The following COL25A1 variants were observed in gnomAD, a reference collection of about 807,000 sequenced individuals.
COL25A1 encodes collagen alpha-1(XXV) chain.
A neutral mutation model predicts 128.4 loss-of-function variants in COL25A1; 103 were observed. That is an observed-to-expected ratio of 0.80 (90% CI 0.68 to 0.94). The LOEUF (loss-of-function observed/expected upper bound fraction) is 0.94. Ranked by LOEUF, COL25A1 falls within the 40% of genes least tolerant of loss-of-function variation. The pLI, the probability that COL25A1 is intolerant of heterozygous loss-of-function variation, is 0.00. For synonymous variants in COL25A1, 279 were observed against 277.2 expected (o/e 1.01, Z -0.06); for missense variants, 745 against 840.0 (o/e 0.89, Z 1.40).
At chr4:109,005,957 C>G (rs866283728) in intron 6 of COL25A1, among the ~76,000 whole-genome samples, 4 of 151,392 alleles carry the variant, frequency 2.6e-5, no homozygotes, top group Admixed American at 2.0e-4. Flanking sequence ...CATTTTAGGT[C>G]AAAATCTTAT....
chr4:109,034,784 T>A (rs951681604), intron 5 of COL25A1, among the ~76,000 whole-genome samples: 2 of 152,230 alleles, frequency 1.3e-5, no homozygotes, highest in African/African-American at 4.8e-5. Context: ...GGTCAATTTC[T>A]ATATATGCAT....
intron 24 of COL25A1, among the ~76,000 whole-genome samples, chr4:108,853,841 T>G (rs906109475): frequency 2.0e-5 from 3 of 152,186 alleles, no homozygotes; most frequent in East Asian, 3.8e-4. Flanking sequence ...ACAAATGACA[T>G]GAACTCATTC....
Position 109,191,576 on chromosome 4 carries a change from G to A in COL25A1, c.367+109007C>T, listed in dbSNP as rs529294595. On this transcript the variant is annotated intron_variant, in intron 3 of 37. Coordinates refer to ENST00000399132, the MANE Select transcript of COL25A1 (RefSeq NM_198721.4). ...CCTGTTTTCCATAAGGAGTGCATCC[G>A]GCCTTAAGAGGAGCTATACATTTTA... is the stretch of plus-strand genomic sequence containing the variant. Among the ~76,000 whole-genome samples the A allele has an allele frequency of 9.2e-5, 14 of 152,238 alleles. No homozygotes were observed. The South Asian group carries it at 2.7e-3, about 29-fold the overall frequency.
intron 29 of COL25A1, 83 bp from the exon 30 acceptor site, chr4:108,844,652 C>G (rs946836911): frequency 3.9e-6 from 6 of 1,538,224 alleles, no homozygotes; most frequent in African/African-American, 2.8e-5. Flanking sequence ...TGGGGTTCTG[C>G]TAAGGCCATT....
At chr4:109,175,663 T>C (rs1774025673) in intron 3 of COL25A1, among the ~76,000 whole-genome samples, 1 of 152,198 alleles carries the variant, frequency 6.6e-6, no homozygotes, top group Non-Finnish European at 1.5e-5. Context: ...TTAGGAATAG[T>C]TTTAATTGTT....
At chr4:109,048,288 T>C in intron 4 of COL25A1, 113 bp from the exon 5 acceptor site, 1 of 1,028,822 alleles carries the variant, frequency 9.7e-7, no homozygotes, top group Non-Finnish European at 1.4e-6. Flanking sequence ...ATAATAGACA[T>C]GGAAGTTTTT....
At chr4:109,105,367 A>G (rs7695884) in intron 3 of COL25A1, among the ~76,000 whole-genome samples, 35,238 of 151,896 alleles carry the variant, frequency 0.23, 5,291 homozygotes, top group African/African-American at 0.41. Flanking sequence ...CCAGCTACTC[A>G]GGAGGCTGAG....
At chr4:108,895,014 C>T (rs1031087375) in intron 16 of COL25A1, among the ~76,000 whole-genome samples, 2 of 152,114 alleles carry the variant, frequency 1.3e-5, no homozygotes, top group African/African-American at 4.8e-5. Context: ...TGATGCTAAA[C>T]ATCTGAGGGC....
intron 8 of COL25A1, among the ~76,000 whole-genome samples, chr4:108,966,721 T>C (rs1204809579): frequency 1.3e-5 from 2 of 151,660 alleles, no homozygotes; most frequent in Non-Finnish European, 2.9e-5. Flanking sequence ...CATGGTAGTG[T>C]GTGCCTGTAG....
At chr4:109,208,489 A>AAAAAC (rs1305925191) in intron 3 of COL25A1, among the ~76,000 whole-genome samples, 1 of 151,880 alleles carries the variant, frequency 6.6e-6, no homozygotes, top group East Asian at 1.9e-4. Context: ...TTAATAAAAA[A>AAAAAC]AAAAAAAACA....
intron 35 of COL25A1, among the ~76,000 whole-genome samples, chr4:108,820,678 T>C (rs565049675): frequency 2.0e-5 from 3 of 150,656 alleles, no homozygotes; most frequent in East Asian, 2.0e-4. Context: ...GTATTTACAA[T>C]GGTAAATGAG....
At chr4:109,068,417 A>AAGGG (rs1345279912) in intron 3 of COL25A1, among the ~76,000 whole-genome samples, 4 of 152,086 alleles carry the variant, frequency 2.6e-5, no homozygotes, top group African/African-American at 9.6e-5. Context: ...AGAGGAAAGG[A>AAGGG]AGGGAGGGAG....
At chr4:109,051,277 T>C (rs1760954832) in intron 3 of COL25A1, among the ~76,000 whole-genome samples, 1 of 152,136 alleles carries the variant, frequency 6.6e-6, no homozygotes, top group Admixed American at 6.6e-5. Flanking sequence ...ATGGAAACAC[T>C]ATCATGAGAA....
Position 108,853,292 on chromosome 4 carries a change from A to G in COL25A1, c.1321-367T>C, listed in dbSNP as rs139152487. Among the ~76,000 whole-genome samples the G allele has an allele frequency of 4.2e-3, 640 of 152,254 alleles. 6 individuals are homozygous for G. Among genetic ancestry groups the G allele is most frequent in the African/African-American group, 0.015 (614 of 41,556 alleles). The stretch of plus-strand genomic sequence containing the variant: ...AAAGCACTATTCTAGAGAGTACTTC[A>G]TTAGAGAAAACTGAAATACCCAATT... On this transcript the variant is annotated intron_variant, in intron 24 of 37. Coordinates refer to ENST00000399132, the MANE Select transcript of COL25A1 (RefSeq NM_198721.4).
intron 18 of COL25A1, 27 bp from the exon 19 acceptor site, chr4:108,884,249 T>C: frequency 2.5e-6 from 4 of 1,598,714 alleles, no homozygotes; most frequent in South Asian, 1.1e-5. Flanking sequence ...TATAGCATTA[T>C]AGAATGATAT....
rs567748328 is a variant in COL25A1, at chr4:108,983,715, T to G, written c.439-9156A>C. Reference sequence around the variant, plus strand: ...TGGCTCAGGAGTGAAGCTGCGGACCTTCGCAGTGAGTGTTACAGCTCTTAA... The same window carrying G: ...TGGCTCAGGAGTGAAGCTGCGGACCGTCGCAGTGAGTGTTACAGCTCTTAA... On this transcript the variant is annotated intron_variant, in intron 6 of 37. Coordinates refer to ENST00000399132, the MANE Select transcript of COL25A1 (RefSeq NM_198721.4). Among the ~76,000 whole-genome samples the G allele has an allele frequency of 1.0e-3, 153 of 152,100 alleles. 1 individual carries two copies. Among genetic ancestry groups the G allele is most frequent in the African/African-American group, 3.6e-3 (149 of 41,482 alleles).
At position 108,846,106 on chromosome 4, in the gene COL25A1, AAAAGTATAAACAAACAG is replaced by A; in HGVS notation, c.1515+16_1515+32del. ...TTTATCTTAATAAGAACATAATATA[AAAAGTATAAACAAACAG>A]AAAGTATAAACATACCGGTAATCCA... On this transcript the variant is annotated intron_variant, in intron 28 of 37. Transcript: ENST00000399132. 1 of 1,369,966 alleles carries A rather than the reference AAAAGTATAAACAAACAG, an allele frequency of 7.3e-7. No individual in the cohort carries two copies. The highest frequency in any genetic ancestry group is 1.0e-6 in the Non-Finnish European group (1 of 960,584). The allele number at this position is 1,369,966 out of a possible 1,614,324, so 84.9% of individuals were successfully genotyped here.
intron 3 of COL25A1, among the ~76,000 whole-genome samples, chr4:109,160,909 C>A (rs532717953): frequency 6.6e-6 from 1 of 152,202 alleles, no homozygotes; most frequent in South Asian, 2.1e-4. Context: ...AACAATACAG[C>A]ATTTTATTTT....
At chr4:109,049,661 A>G (rs930554794) in intron 4 of COL25A1, among the ~76,000 whole-genome samples, 2 of 152,208 alleles carry the variant, frequency 1.3e-5, no homozygotes, top group South Asian at 2.1e-4. Flanking sequence ...GAAAACGGTA[A>G]GAGTAAAAGC....
Sources: gnomAD v4.1 joint callset for allele counts (sites outside exome capture counted in the v4.1 genomes callset) on GRCh38, gnomAD v4.1.1 for gene constraint, MANE v1.5 for transcripts, NCBI Gene and HGNC (gene_info 2026-07-23, HGNC 2026-07-21) for gene names.